The following GLDC variants were observed in gnomAD, a reference collection of about 807,000 sequenced individuals.
The protein encoded by GLDC is glycine dehydrogenase (decarboxylating), mitochondrial.
GLDC carries 104 observed loss-of-function variants against 121.3 expected under a neutral mutation model. The observed-to-expected ratio is 0.86, with a 90% CI of 0.73 to 1.01. The LOEUF (loss-of-function observed/expected upper bound fraction) is 1.01. GLDC is among the 50% of genes least tolerant of loss of function. The pLI, the probability that GLDC is intolerant of heterozygous loss-of-function variation, is 0.00. For synonymous variants in GLDC, 546 were observed against 480.6 expected (o/e 1.14, Z -1.78); for missense variants, 1,429 against 1,306.6 (o/e 1.09, Z -1.44).
Position 6,539,958 on chromosome 9 carries a change from C to G in GLDC, c.2665+93G>C, listed in dbSNP as rs1444428629. On this transcript the variant is annotated intron_variant, in intron 22 of 24. Transcript: ENST00000321612. Reference sequence around the variant, plus strand: ...TGAGCTCCCCATTTATCCCCCAGATCAGTTTACTGTGGTGCCTGCATTTTC... The same window carrying G: ...TGAGCTCCCCATTTATCCCCCAGATGAGTTTACTGTGGTGCCTGCATTTTC... The G allele has an allele frequency of 4.7e-6, 4 of 845,528 alleles. No individual in the cohort carries two copies. The African/African-American group carries it at 5.0e-5, about 11-fold the overall frequency. 52.4% of individuals were successfully genotyped at this position (845,528 alleles called of 1,614,324 possible). A position where few individuals can be genotyped will look rare whatever the true frequency, so the allele number is the denominator to read the frequency against.
intron 11 of GLDC, 128 bp downstream of exon 11, chr9:6,592,015 G>A: frequency 1.4e-6 from 1 of 718,006 alleles, no homozygotes; most frequent in South Asian, 1.5e-5. Flanking sequence ...ATAGTCAGTG[G>A]AATAATTTTA....
chr9:6,592,788 C>T (rs1298606982), intron 10 of GLDC, 63 bp downstream of exon 10: 1 of 1,480,296 alleles, frequency 6.8e-7, no homozygotes, highest in Non-Finnish European at 9.4e-7. Flanking sequence ...AAGAGAAAAC[C>T]TTTTAATGAG....
At chr9:6,627,346 T>A (rs146853358) in intron 2 of GLDC, among the ~76,000 whole-genome samples, 39 of 149,312 alleles carry the variant, frequency 2.6e-4, no homozygotes, top group African/African-American at 8.1e-4. Flanking sequence ...AACAAAATAT[T>A]AATTATCTGT....
At chr9:6,555,939 G>C (rs1267552736) in intron 18 of GLDC, among the ~76,000 whole-genome samples, 1 of 152,186 alleles carries the variant, frequency 6.6e-6, no homozygotes, top group Non-Finnish European at 1.5e-5. Context: ...AAGTAATCAG[G>C]ATTGGGCCCT....
chr9:6,620,155 T>A (rs761186448), intron 3 of GLDC, 29 bp downstream of exon 3: 1 of 1,608,486 alleles, frequency 6.2e-7, no homozygotes, highest in Admixed American at 1.7e-5. Flanking sequence ...ATCACAGTCA[T>A]CCTGTTCCTG....
intron 15 of GLDC, among the ~76,000 whole-genome samples, chr9:6,582,214 C>CAAAGA (rs1450413820): frequency 2.1e-5 from 1 of 48,664 alleles, no homozygotes; most frequent in Non-Finnish European, 3.8e-5. Context: ...GACTTCGTCT[C>CAAAGA]AAAAAAAAAA....
intron 2 of GLDC, among the ~76,000 whole-genome samples, chr9:6,643,580 C>A (rs1010275150): frequency 2.0e-5 from 3 of 151,588 alleles, no homozygotes; most frequent in African/African-American, 7.3e-5. Flanking sequence ...TGGATTGTCC[C>A]CCCACCCCAT....
chr9:6,543,736 C>G (rs546455624), intron 21 of GLDC, among the ~76,000 whole-genome samples: 2 of 152,264 alleles, frequency 1.3e-5, no homozygotes, highest in African/African-American at 2.4e-5. Context: ...TTAGGACACA[C>G]AAACCTGCTA....
chr9:6,629,955 A>ATTTTT lies in GLDC; in HGVS notation c.335-9637_335-9636insAAAAA, dbSNP rs1367658538. On this transcript the variant is annotated intron_variant, in intron 2 of 24. Transcript: ENST00000321612. The stretch of plus-strand genomic sequence containing the variant: ...TATATATATATATATGTATATATAT[A>ATTTTT]TATTTTTTTTTTTTAAGAGAGACAA... Among the ~76,000 whole-genome samples the ATTTTT allele has an allele frequency of 1.8e-3, 150 of 84,380 alleles. 2 individuals are homozygous for ATTTTT. In the East Asian group the frequency reaches 0.02, roughly 11 times the overall value. 55.4% of individuals were successfully genotyped at this position (84,380 alleles called of 152,430 possible).
rs890476743 is a variant in GLDC at position 6,593,010 on chromosome 9, C to T, written c.1262-20G>A. The T allele has an allele frequency of 1.9e-6, 3 of 1,613,388 alleles. No homozygotes were observed. The highest frequency in any genetic ancestry group is 2.7e-5 in the African/African-American group (2 of 74,898). On this transcript the variant is annotated intron_variant, in intron 9 of 24. Transcript: ENST00000321612. ...TGAGACCTACACAAGATAGGAGATC[C>T]CCCAAACTCTCATATAGAAACCTGC...
intron 15 of GLDC, among the ~76,000 whole-genome samples, chr9:6,577,089 G>T (rs1423399673): frequency 6.6e-6 from 1 of 152,172 alleles, no homozygotes; most frequent in African/African-American, 2.4e-5. Flanking sequence ...AGCCTTCTGT[G>T]CGCATAACAC....
In GLDC at chr9:6,554,722, C is replaced by T. The variant is rs954961288; in HGVS notation, c.2262G>A (p.Lys754=). 1.2e-5 allele frequency: 20 copies of T among 1,613,198 alleles called. No individual in the cohort carries two copies. Among genetic ancestry groups the T allele is most frequent in the Admixed American group, 3.3e-5 (2 of 59,980 alleles). ...GSDVSHLNLH[K]TFCIPHGGGG... ...CTCCTCCGTGGGGAATGCAGAAGGT[C>T]TTGTGAAGATTTAGGTGCGAGACAT... Residue 754 remains lysine (K), a synonymous_variant, in exon 19 of 25, where the codon AAG becomes AAA. Coordinates refer to ENST00000321612, the MANE Select transcript of GLDC (RefSeq NM_000170.3).
At chr9:6,640,210 T>G (rs1441097400) in intron 2 of GLDC, among the ~76,000 whole-genome samples, 1 of 152,262 alleles carries the variant, frequency 6.6e-6, no homozygotes, top group African/African-American at 2.4e-5. Context: ...TAGCTAATCT[T>G]TACTGTTACA....
Position 6,645,307 on chromosome 9 carries a change from G to A in GLDC, c.193C>T (p.Arg65Trp), listed in dbSNP as rs894866297. Residue 65 changes from arginine (R) to tryptophan (W), a missense_variant, in exon 1 of 25, where the codon CGG becomes TGG. Arg to Trp is a moderately radical substitution (Grantham distance 101). Transcript: ENST00000321612. ...TTGTCCCCAGGGCCGATGTGCCTCC[G>A]AGCGAAGTCGTCGTGTCTGGGCAGA... ...RLLPRHDDFA[R>W]RHIGPGDKDQ... The A allele has an allele frequency of 1.3e-6, 2 of 1,596,912 alleles. No homozygotes were observed. Among genetic ancestry groups the A allele is most frequent in the East Asian group, 2.3e-5 (1 of 43,642 alleles).
rs916351495 is a variant in GLDC at position 6,645,383 on chromosome 9, A to C, written c.117T>G (p.Ser39Arg). 6.5e-7 allele frequency: 1 copy of C among 1,533,766 alleles called. No homozygotes were observed. The highest frequency in any genetic ancestry group is 1.4e-5 in the African/African-American group (1 of 71,124). ...CWAPRSRDSS[S>R]GGGDSAAAGA... Reference sequence around the variant, plus strand: ...CAGCCGCGGCGCTGTCCCCGCCGCCACTGCTGCTGTCCCGGCTCCGCGGCG... The same window carrying C: ...CAGCCGCGGCGCTGTCCCCGCCGCCCCTGCTGCTGTCCCGGCTCCGCGGCG... Residue 39 changes from serine (S) to arginine (R), a missense_variant, in exon 1 of 25, where the codon AGT (serine) becomes AGG (arginine). Transcript: ENST00000321612.
intron 22 of GLDC, 114 bp downstream of exon 22, chr9:6,539,937 C>G: frequency 1.3e-6 from 1 of 791,454 alleles, no homozygotes; most frequent in Non-Finnish European, 2.3e-6. Flanking sequence ...GAACCCTGAG[C>G]TCCCCATTTA....
At chr9:6,645,185 G>A in intron 1 of GLDC, 60 bp downstream of exon 1, 3 of 1,478,968 alleles carry the variant, frequency 2.0e-6, no homozygotes, top group Middle Eastern at 2.3e-4. Context: ...GGGAGGCCGC[G>A]CAGGCAGAGC....
chr9:6,561,672 T>C (rs965699781), intron 16 of GLDC, among the ~76,000 whole-genome samples: 3 of 152,024 alleles, frequency 2.0e-5, no homozygotes, highest in African/African-American at 7.3e-5. Context: ...TGTATTGTTG[T>C]GAGGGATATG....
At chr9:6,539,951 C>G in intron 22 of GLDC, 100 bp downstream of exon 22, 3 of 835,900 alleles carry the variant, frequency 3.6e-6, no homozygotes, top group South Asian at 2.7e-5. Flanking sequence ...CCATTTATCC[C>G]CCAGATCAGT....
Sources: allele counts gnomAD v4.1 joint callset (sites outside exome capture counted in the v4.1 genomes callset), GRCh38; gene constraint gnomAD v4.1.1; transcripts MANE v1.5; gene names NCBI Gene and HGNC (gene_info 2026-07-23, HGNC 2026-07-21).